The following POLR1E variants were observed in gnomAD, a reference collection of about 807,000 sequenced individuals.
POLR1E encodes DNA-directed RNA polymerase I subunit RPA49.
In POLR1E, 37 loss-of-function variants were observed where a neutral mutation model predicts 50.9. That is an observed-to-expected ratio of 0.73 (90% CI 0.56 to 0.96). POLR1E has a LOEUF of 0.96. Ranked by LOEUF, POLR1E falls within the 40% of genes least tolerant of loss-of-function variation. The pLI is 0.00. For missense variants in POLR1E, 426 were observed against 518.1 expected (o/e 0.82, Z 1.73); for synonymous variants, 166 against 191.6 (o/e 0.87, Z 1.10).
chr9:37,503,477 C>T lies in POLR1E; in HGVS notation c.*275C>T, dbSNP rs781730007. The T allele has an allele frequency of 3.8e-6, 1 of 261,958 alleles. No homozygotes were observed. 16.2% of individuals were successfully genotyped at this position (261,958 alleles called of 1,614,324 possible). Reference sequence around the variant, plus strand: ...CCTGTAATCCCAGCTACTCGGGAGGCTGAGGCAGGACGATTACTTGAGCTT... The same window carrying T: ...CCTGTAATCCCAGCTACTCGGGAGGTTGAGGCAGGACGATTACTTGAGCTT... On this transcript the variant is annotated 3_prime_UTR_variant, in exon 12 of 12. Transcript: ENST00000377798.
chr9:37,502,748 T>C (rs1820911982), intron 11 of POLR1E, among the ~76,000 whole-genome samples: 1 of 152,236 alleles, frequency 6.6e-6, no homozygotes. Flanking sequence ...TCCTGGTTGC[T>C]AAAAGTTTGG....
At position 37,501,773 on chromosome 9, in the gene POLR1E, T is replaced by TG; in HGVS notation, c.1030dup (p.Ala344GlyfsTer6). 6.2e-7 allele frequency: 1 copy of TG among 1,614,068 alleles called. No homozygotes were observed. The highest frequency in any genetic ancestry group is 2.2e-5 in the East Asian group (1 of 44,876). ...AGATTACTGCATATGTGATCATACT[T>TG]GCCTTGCACATACATGACTTCCAAA... On this transcript the variant is annotated frameshift_variant, in exon 11 of 12. Transcript: ENST00000377798. LOFTEE classifies it high-confidence loss of function.
chr9:37,501,845 G>C lies in POLR1E; in HGVS notation c.1100+1G>C. ...GGGACTTGAAGCTCAGTGAGAAAAG[G>C]TGAGCACAACAGAATAAAGAGCTCC... On this transcript the variant is annotated splice_donor_variant, in intron 11 of 11. Coordinates refer to ENST00000377798, the MANE Select transcript of POLR1E (RefSeq NM_022490.4). LOFTEE classifies it high-confidence loss of function. The C allele has an allele frequency of 6.2e-7, 1 of 1,612,834 alleles. No individual in the cohort carries two copies. Among genetic ancestry groups the C allele is most frequent in the Non-Finnish European group, 8.5e-7 (1 of 1,179,746 alleles).
At chr9:37,496,848 C>T (rs1820795164) in intron 8 of POLR1E, among the ~76,000 whole-genome samples, 1 of 151,954 alleles carries the variant, frequency 6.6e-6, no homozygotes. Context: ...CTTGAAGAGC[C>T]TTTTTATCTC....
intron 9 of POLR1E, among the ~76,000 whole-genome samples, chr9:37,499,812 C>T (rs889221255): frequency 3.3e-5 from 5 of 150,868 alleles, no homozygotes; most frequent in Admixed American, 1.3e-4. Flanking sequence ...GGATTACAGG[C>T]GTGAGCTACT....
In POLR1E at chr9:37,495,905, A is replaced by T. The variant is rs1376798650; in HGVS notation, c.671A>T (p.Glu224Val). Residue 224 changes from glutamate (E) to valine (V), a missense_variant, in exon 8 of 12, where the codon GAG becomes GTG. By Grantham distance (121) the Glu-to-Val change is moderately radical. Transcript: ENST00000377798. ...CTGTAACTAGTTCTTTCCCCTGCGG[A>T]GTATGAAGCTCTTCAGAGCCCATCT... ...YKFEDLLSPA[E>V]YEALQSPSEA... 6.2e-7 allele frequency: 1 copy of T among 1,613,178 alleles called. No homozygotes were observed. The highest frequency in any genetic ancestry group is 1.1e-5 in the South Asian group (1 of 91,048).
At chr9:37,488,320 G>T (rs759490581) in intron 3 of POLR1E, among the ~76,000 whole-genome samples, 1 of 152,166 alleles carries the variant, frequency 6.6e-6, no homozygotes, top group African/African-American at 2.4e-5. Flanking sequence ...GGAAAGAGGA[G>T]CCTGGGATTC....
chr9:37,499,546 T>G lies in POLR1E; in HGVS notation c.887-1294T>G, dbSNP rs550135412. 1.3e-3 allele frequency among the ~76,000 whole-genome samples: 194 copies of G among 152,268 alleles called. 1 individual carries two copies. The highest frequency in any genetic ancestry group is 4.6e-3 in the African/African-American group (191 of 41,546). The stretch of plus-strand genomic sequence containing the variant: ...TTTTGTTTTGTTTTTGTTTTGTTTT[T>G]TTTGAGACAGTATCTCGCTCTGTCA... On this transcript the variant is annotated intron_variant, in intron 9 of 11. Coordinates refer to ENST00000377798, the MANE Select transcript of POLR1E (RefSeq NM_022490.4).
intron 8 of POLR1E, among the ~76,000 whole-genome samples, 196 bp downstream of exon 8, chr9:37,496,182 C>T (rs1820782290): frequency 6.6e-6 from 1 of 152,160 alleles, no homozygotes; most frequent in Admixed American, 6.5e-5. Context: ...GGGCTGGTCT[C>T]TGAGTCCGTG....
chr9:37,497,270 G>A (rs1311837102), intron 8 of POLR1E, among the ~76,000 whole-genome samples: 2 of 152,222 alleles, frequency 1.3e-5, no homozygotes, highest in African/African-American at 4.8e-5. Context: ...CAGGAGAATC[G>A]CTTGAACCCA....
intron 10 of POLR1E, 48 bp from the exon 11 acceptor site, chr9:37,501,665 G>T: frequency 6.3e-7 from 1 of 1,590,592 alleles, no homozygotes; most frequent in Non-Finnish European, 8.6e-7. Flanking sequence ...TGGAGAAATT[G>T]TCTGAGAGTT....
At chr9:37,486,897 A>G in intron 2 of POLR1E, 91 bp downstream of exon 2, 1 of 1,460,078 alleles carries the variant, frequency 6.8e-7, no homozygotes, top group Non-Finnish European at 9.1e-7. Flanking sequence ...AGGGGAGAAA[A>G]AGGGGAGTAG....
intron 6 of POLR1E, among the ~76,000 whole-genome samples, chr9:37,494,709 G>A (rs1564324182): frequency 6.6e-6 from 1 of 152,194 alleles, no homozygotes; most frequent in Non-Finnish European, 1.5e-5. Context: ...AAAATGTTGA[G>A]GTTACAGGTG....
intron 9 of POLR1E, 31 bp downstream of exon 9, chr9:37,498,255 T>G (rs1444049741): frequency 3.1e-6 from 5 of 1,590,044 alleles, no homozygotes; most frequent in Non-Finnish European, 4.3e-6. Flanking sequence ...TTATTCTAAT[T>G]GTTTCCAGTA....
intron 3 of POLR1E, among the ~76,000 whole-genome samples, chr9:37,489,111 G>A (rs187312077): frequency 3.6e-4 from 54 of 151,874 alleles, no homozygotes; most frequent in African/African-American, 1.1e-3. Flanking sequence ...GGTGGCGTGC[G>A]CCTGTAATCC....
chr9:37,486,746 C>G lies in POLR1E; in HGVS notation c.120C>G (p.Arg40=). 9.3e-6 allele frequency: 15 copies of G among 1,614,230 alleles called. No homozygotes were observed. The highest frequency in any genetic ancestry group is 1.2e-5 in the Non-Finnish European group (14 of 1,180,038). Residue 40 remains arginine (R), a synonymous_variant, in exon 2 of 12, where the codon CGC becomes CGG. Transcript: ENST00000377798. Reference sequence around the variant, plus strand: ...AGCTACAGAGTCCAGGCAACATGCGCTTTACCTTGTATGAGAACAAAGATT... The same window carrying G: ...AGCTACAGAGTCCAGGCAACATGCGGTTTACCTTGTATGAGAACAAAGATT... ...NGKLQSPGNM[R]FTLYENKDST...
chr9:37,491,673 A>G (rs908213580), intron 4 of POLR1E, among the ~76,000 whole-genome samples: 1 of 152,088 alleles, frequency 6.6e-6, no homozygotes, highest in African/African-American at 2.4e-5. Flanking sequence ...CATGTTGGCC[A>G]GGCTGGTCTC....
rs140207587 is a variant in POLR1E at position 37,492,909 on chromosome 9, C to T, written c.402+194C>T. ...GTCCCACAGAGAACAGTCTGGCTCC[C>T]ATCTGGGGCAGCTGAACACAGCTCT... On this transcript the variant is annotated intron_variant, in intron 5 of 11. Coordinates refer to ENST00000377798, the MANE Select transcript of POLR1E (RefSeq NM_022490.4). Among the ~76,000 whole-genome samples, 997 of 152,310 alleles carry T rather than the reference C, an allele frequency of 6.5e-3. 14 individuals carry two copies. The highest frequency in any genetic ancestry group is 0.023 in the African/African-American group (951 of 41,578).
At chr9:37,491,812 G>A (rs1178724693) in intron 4 of POLR1E, among the ~76,000 whole-genome samples, 1 of 152,148 alleles carries the variant, frequency 6.6e-6, no homozygotes, top group Non-Finnish European at 1.5e-5. Context: ...ACACCCATCT[G>A]TGAATTTCCT....
Sources: allele counts gnomAD v4.1 joint callset (sites outside exome capture counted in the v4.1 genomes callset), GRCh38; gene constraint gnomAD v4.1.1; transcripts MANE v1.5; gene names NCBI Gene and HGNC (gene_info 2026-07-23, HGNC 2026-07-21).